Variants in ZNF117 observed in about 807,000 individuals in gnomAD.
ZNF117 encodes zinc finger protein 117.
ZNF117 carries 37 observed loss-of-function variants against 41.2 expected under a neutral mutation model. The observed-to-expected ratio is 0.90, with a 90% confidence interval of 0.69 to 1.18. ZNF117 has a LOEUF of 1.18. ZNF117 is among the 50% of genes most tolerant of loss of function. ZNF117 has a pLI of 0.00. For missense variants in ZNF117, 546 were observed against 557.5 expected (o/e 0.98, Z 0.21); for synonymous variants, 186 against 186.6 (o/e 1.00, Z 0.02).
upstream of ZNF117, among the ~76,000 whole-genome samples, chr7:64,983,865 A>T (rs1562646848): frequency 6.6e-6 from 1 of 152,194 alleles, no homozygotes; most frequent in Non-Finnish European, 1.5e-5. Context: ...GAAAAATTGT[A>T]TTGAGAGAAA....
intron 1 of ZNF117, among the ~76,000 whole-genome samples, chr7:64,989,223 GAATA>G (rs1457334698): frequency 1.3e-5 from 2 of 149,760 alleles, no homozygotes; most frequent in African/African-American, 4.9e-5. Flanking sequence ...ACAAGAAACA[GAATA>G]GATAGCCAAT....
chr7:64,981,454 A>C lies in ZNF117; in HGVS notation c.-34T>G. 4.3e-6 allele frequency: 7 copies of C among 1,611,492 alleles called. No homozygotes were observed. The highest frequency in any genetic ancestry group is 5.9e-6 in the Non-Finnish European group (7 of 1,177,842). On this transcript the variant is annotated 5_prime_UTR_variant, in exon 2 of 3. In the 5' UTR this introduces an upstream ATG that the reference lacks. Coordinates refer to ENST00000620222, the Ensembl canonical transcript of ZNF117. The stretch of plus-strand genomic sequence containing the variant: ...GCTCTTTTCCTTGCTCCAGACAGGT[A>C]ATCAGGTCTGGCTTAGAGACAGCAA...
chr7:64,988,914 A>G (rs1356878182), intron 1 of ZNF117, among the ~76,000 whole-genome samples: 1 of 152,186 alleles, frequency 6.6e-6, no homozygotes. Flanking sequence ...TACAACAAGA[A>G]TTACAAAACA....
chr7:64,979,561 T>C (rs1384735123), intron 2 of ZNF117, 25 bp from the exon 4 acceptor site: 12 of 1,428,204 alleles, frequency 8.4e-6, no homozygotes, highest in Non-Finnish European at 1.0e-5. Flanking sequence ...AGTAACAAAC[T>C]ACTTCACTTG....
At chr7:64,973,961 G>A (rs1326554619), downstream of ZNF117, 1 of 151,854 alleles carries the variant, frequency 6.6e-6, no homozygotes, top group Non-Finnish European at 1.5e-5. Flanking sequence ...TGGAACATCT[G>A]TTACACAGCA....
downstream of ZNF117, chr7:64,973,149 G>C (rs1785807845): frequency 6.6e-6 from 1 of 151,776 alleles, no homozygotes. Flanking sequence ...AAAATAATGA[G>C]TGAAAAATTC....
chr7:64,989,629 T>C (rs1446647146), intron 1 of ZNF117, among the ~76,000 whole-genome samples: 1 of 150,372 alleles, frequency 6.7e-6, no homozygotes, highest in Non-Finnish European at 1.5e-5. Flanking sequence ...CTAATTAAAC[T>C]AAAGAGCTAT....
exon 3 of ZNF117, chr7:64,976,951 T>G: frequency 3.8e-6 from 2 of 532,660 alleles, no homozygotes; most frequent in Non-Finnish European, 7.6e-6. Context: ...GATGATAGGT[T>G]AGCTTTGCCA....
At chr7:64,986,153 T>C (rs1562647803), upstream of ZNF117, among the ~76,000 whole-genome samples, 2 of 4,248 alleles carry the variant, frequency 4.7e-4, no homozygotes, top group Non-Finnish European at 4.2e-3. Context: ...AAGAAAGGTG[T>C]TATAAAAAAA....
exon 1 of ZNF117, chr7:64,990,361 G>A (rs939901700): frequency 1.2e-5 from 2 of 172,916 alleles, no homozygotes; most frequent in South Asian, 1.6e-4. Flanking sequence ...ATCACTGGGT[G>A]CAACAGGAAG....
rs374835589 is a variant in ZNF117 at position 64,975,539 on chromosome 7, A to T, written c.*2580T>A. The stretch of plus-strand genomic sequence containing the variant: ...CCCACCTAACAAAAAAGAATGTCTC[A>T]TATCTTTGATGAAGCAGCAATTGAT... On this transcript the variant is annotated 3_prime_UTR_variant, in exon 3 of 3. Coordinates refer to ENST00000620222, the Ensembl canonical transcript of ZNF117. 10 of 151,760 alleles carry T rather than the reference A, an allele frequency of 6.6e-5. No homozygotes were observed. The East Asian group carries it at 1.4e-3, about 21-fold the overall frequency. 9.4% of individuals were successfully genotyped at this position (151,760 alleles called of 1,614,324 possible). A position where few individuals can be genotyped will look rare whatever the true frequency, so the allele number is the denominator to read the frequency against.
At chr7:64,982,171 C>T (rs1786047063), upstream of ZNF117, 1 of 600,668 alleles carries the variant, frequency 1.7e-6, no homozygotes, top group Non-Finnish European at 2.9e-6. Flanking sequence ...TACCAAGTGG[C>T]CATGGGCATA....
rs1785956285 is a variant in ZNF117, at chr7:64,978,740, G to C, written c.831C>G (p.Tyr277Ter). The change falls in exon 3 of 3, where the codon TAC becomes TAG. Residue 277 changes from tyrosine to a stop codon, truncating the protein, a stop_gained. Transcript: ENST00000620222. LOFTEE classifies it high-confidence loss of function. Reference sequence around the variant, plus strand: ...AGGCTTTACCACATTCTTCACATTTGTACAGCTTCTCTCCAGTATGAATGT... The same window carrying C: ...AGGCTTTACCACATTCTTCACATTTCTACAGCTTCTCTCCAGTATGAATGT... 1 of 1,612,950 alleles carries C rather than the reference G, an allele frequency of 6.2e-7. No individual in the cohort carries two copies. Among genetic ancestry groups the C allele is most frequent in the Non-Finnish European group, 8.5e-7 (1 of 1,179,612 alleles).
At chr7:64,978,083 A>G (rs780600492) in exon 3 of ZNF117, 8 of 1,590,632 alleles carry the variant, frequency 5.0e-6, no homozygotes, top group Non-Finnish European at 6.9e-6. Context: ...GTTTCTCTCC[A>G]GTATGAATTT....
At chr7:64,978,771 T>A (rs766110490) in exon 3 of ZNF117, 1 of 1,613,454 alleles carries the variant, frequency 6.2e-7, no homozygotes. Context: ...AATGTACTTA[T>A]GTTCAGTAAG....
chr7:64,985,967 A>AAAAAAG (rs1554299672), upstream of ZNF117, among the ~76,000 whole-genome samples: 9 of 148,904 alleles, frequency 6.0e-5, no homozygotes, highest in Non-Finnish European at 1.0e-4. Flanking sequence ...AAAAAAAAAA[A>AAAAAAG]AAAGAAAGAA....
rs1452175489 is a variant in ZNF117, at chr7:64,990,037, AC to A, written c.-287del. Reference sequence around the variant, plus strand: ...CAGTGAGTCGAGATCATGCCACTGCACTCCATCCTGGTGACACAGCAAGACT... The same window carrying A: ...CAGTGAGTCGAGATCATGCCACTGCATCCATCCTGGTGACACAGCAAGACT... On this transcript the variant is annotated 5_prime_UTR_variant, in exon 1 of 4. It adds an upstream start codon to the 5' untranslated region. Transcript: ENST00000282869. The A allele has an allele frequency of 6.6e-6, 1 of 152,174 alleles. No homozygotes were observed. The highest frequency in any genetic ancestry group is 1.5e-5 in the Non-Finnish European group (1 of 68,042). The allele number at this position is 152,174 out of a possible 1,614,324, so 9.4% of individuals were successfully genotyped here.
intron 1 of ZNF117, among the ~76,000 whole-genome samples, chr7:64,987,981 A>G (rs1349034563): frequency 2.0e-5 from 3 of 152,194 alleles, no homozygotes; most frequent in Non-Finnish European, 4.4e-5. Context: ...GCAACCAAAA[A>G]AAGCCCAGGA....
chr7:64,979,030 T>TA lies in ZNF117; in HGVS notation c.540dup (p.Ile181TyrfsTer2). 1 of 1,613,248 alleles carries TA rather than the reference T, an allele frequency of 6.2e-7. No individual in the cohort carries two copies. Among genetic ancestry groups the TA allele is most frequent in the Non-Finnish European group, 8.5e-7 (1 of 1,179,656 alleles). ...TCAGTATGAATTCTCTTATGTCTAA[T>TA]AAGGTGTGAGGTCTGGTTAAAGGCT... On this transcript the variant is annotated frameshift_variant, in exon 3 of 3. Coordinates refer to ENST00000620222, the Ensembl canonical transcript of ZNF117. LOFTEE classifies it high-confidence loss of function.
Sources: allele counts gnomAD v4.1 joint callset (sites outside exome capture counted in the v4.1 genomes callset), GRCh38; gene constraint gnomAD v4.1.1; transcripts MANE v1.5; gene names NCBI Gene and HGNC (gene_info 2026-07-23, HGNC 2026-07-21).